DPP3: variants seen among roughly 807,000 people sequenced by gnomAD.
The protein encoded by DPP3 is dipeptidyl peptidase 3.
In DPP3, 64 loss-of-function variants were observed where a neutral mutation model predicts 89.8. The observed-to-expected ratio is 0.71, with a 90% confidence interval of 0.58 to 0.88. The LOEUF (loss-of-function observed/expected upper bound fraction) is 0.88, where lower values mean the gene tolerates loss of function less well. DPP3 is among the 40% of genes least tolerant of loss of function. The pLI, the probability that DPP3 is intolerant of heterozygous loss-of-function variation, is 0.00. For synonymous variants in DPP3, 377 were observed against 404.3 expected, an observed-to-expected ratio of 0.93 and a Z score of 0.81; for missense variants, 835 against 972.5, an observed-to-expected ratio of 0.86 and a Z score of 1.88.
chr11:66,504,465 G>A, intron 16 of DPP3, 147 bp from the exon 17 acceptor site: 1 of 847,668 alleles, frequency 1.2e-6, no homozygotes. Flanking sequence ...TTAACCATAA[G>A]TTTCAACACC....
Position 66,495,610 on chromosome 11 carries a change from C to T in DPP3, c.1578-20C>T. The stretch of plus-strand genomic sequence containing the variant: ...AGGGCAGCCTCTGACCATCCTGCCA[C>T]CTGCCTGCCCCTCTCACAGGATCTT... On this transcript the variant is annotated intron_variant, in intron 14 of 17. Transcript: ENST00000531863. The T allele has an allele frequency of 6.2e-7, 1 of 1,614,106 alleles. No individual in the cohort carries two copies. The highest frequency in any genetic ancestry group is 1.3e-5 in the African/African-American group (1 of 75,052).
In DPP3 at chr11:66,486,662, C is replaced by A; in HGVS notation, c.483C>A (p.Leu161=). Residue 161 remains leucine (L), a synonymous_variant, in exon 4 of 18, where the codon CTC becomes CTA. Coordinates refer to ENST00000531863, the MANE Select transcript of DPP3 (RefSeq NM_130443.4). ...CTCTGGAGCCAAGGCTTCGACACCTCGGACTGGGGAAGGAGGTGAGGCCCC... is the reference window on the plus strand; with the variant it reads ...CTCTGGAGCCAAGGCTTCGACACCTAGGACTGGGGAAGGAGGTGAGGCCCC... ...MFSLEPRLRH[L]GLGKEGITTY... The A allele has an allele frequency of 6.5e-7, 1 of 1,548,114 alleles. No homozygotes were observed. The highest frequency in any genetic ancestry group is 8.7e-7 in the Non-Finnish European group (1 of 1,146,544).
intron 16 of DPP3, among the ~76,000 whole-genome samples, chr11:66,498,552 A>C (rs1050513018): frequency 6.6e-6 from 1 of 152,216 alleles, no homozygotes; most frequent in African/African-American, 2.4e-5. Context: ...AGAACGAAGG[A>C]CATTTTTGGA....
In DPP3 at chr11:66,509,280, C is replaced by T. The variant is rs753698591; in HGVS notation, c.*29C>T. 6 of 1,583,536 alleles carry T rather than the reference C, an allele frequency of 3.8e-6. No individual in the cohort carries two copies. Among genetic ancestry groups the T allele is most frequent in the Middle Eastern group, 1.7e-4 (1 of 6,038 alleles). ...AGATGTGTGGCCTTGCCCCCAATTC[C>T]ATCAGACCAAGGCTGCAAGTGGCCC... On this transcript the variant is annotated 3_prime_UTR_variant, in exon 18 of 18. Transcript: ENST00000531863.
intron 15 of DPP3, among the ~76,000 whole-genome samples, chr11:66,496,039 C>T (rs560127179): frequency 5.3e-5 from 8 of 152,268 alleles, no homozygotes; most frequent in African/African-American, 1.7e-4. Flanking sequence ...TTCTAAACGC[C>T]CTCCATGAAT....
chr11:66,492,385 T>C (rs530266221), intron 9 of DPP3: 6 of 237,942 alleles, frequency 2.5e-5, no homozygotes, highest in African/African-American at 1.1e-4. Context: ...AGCCCCTGGA[T>C]TTAGAAGAGT....
chr11:66,497,810 G>C (rs533871904), intron 16 of DPP3, among the ~76,000 whole-genome samples: 2 of 151,688 alleles, frequency 1.3e-5, no homozygotes, highest in Non-Finnish European at 1.5e-5. Flanking sequence ...AGGATCACTT[G>C]AGCCTGAGGG....
intron 12 of DPP3, among the ~76,000 whole-genome samples, chr11:66,494,660 C>T (rs770750351): frequency 6.6e-6 from 1 of 152,188 alleles, no homozygotes; most frequent in Non-Finnish European, 1.5e-5. Context: ...TGCTCTGACT[C>T]CAGTGTGGGG....
rs532408636 is a variant in DPP3, at chr11:66,499,894, A to G, written c.1878+2417A>G. Among the ~76,000 whole-genome samples the G allele has an allele frequency of 1.2e-4, 18 of 152,216 alleles. No individual in the cohort carries two copies. In the East Asian group the frequency reaches 3.1e-3, roughly 26 times the overall value. On this transcript the variant is annotated intron_variant, in intron 16 of 17. Transcript: ENST00000531863. Reference sequence around the variant, plus strand: ...ATCTCTTCCTGTGCCTAATTTATAAATTAAACTTTCTCATAGGTGTGTATG... The same window carrying G: ...ATCTCTTCCTGTGCCTAATTTATAAGTTAAACTTTCTCATAGGTGTGTATG...
Position 66,509,423 on chromosome 11 carries a change from T to G in DPP3, c.*172T>G, listed in dbSNP as rs1482468781. On this transcript the variant is annotated 3_prime_UTR_variant, in exon 18 of 18. Coordinates refer to ENST00000531863, the MANE Select transcript of DPP3 (RefSeq NM_130443.4). Reference sequence around the variant, plus strand: ...TTCCATTTGTCAGCACTTTCCAGCCTGCCAATTGCTTCCCCTCTGTGATCT... The same window carrying G: ...TTCCATTTGTCAGCACTTTCCAGCCGGCCAATTGCTTCCCCTCTGTGATCT... 4 of 1,534,452 alleles carry G rather than the reference T, an allele frequency of 2.6e-6. No homozygotes were observed. The highest frequency in any genetic ancestry group is 3.5e-6 in the Non-Finnish European group (4 of 1,145,334).
chr11:66,509,521 G>A lies in DPP3; in HGVS notation c.*270G>A. ...CATCCTGTCTACCAGATGAGGAAATGGCAGTTCTGAGAAGTCACTGGTCTA... is the reference window on the plus strand; with the variant it reads ...CATCCTGTCTACCAGATGAGGAAATAGCAGTTCTGAGAAGTCACTGGTCTA... On this transcript the variant is annotated 3_prime_UTR_variant, in exon 18 of 18. Coordinates refer to ENST00000531863, the MANE Select transcript of DPP3 (RefSeq NM_130443.4). 1 of 1,143,100 alleles carries A rather than the reference G, an allele frequency of 8.7e-7. No individual in the cohort carries two copies. Among genetic ancestry groups the A allele is most frequent in the Non-Finnish European group, 1.3e-6 (1 of 789,190 alleles). The allele number at this position is 1,143,100 out of a possible 1,614,324, so 70.8% of individuals were successfully genotyped here. A position where few individuals can be genotyped will look rare whatever the true frequency, so the allele number is the denominator to read the frequency against.
chr11:66,485,337 G>A (rs1855197555), intron 3 of DPP3, 75 bp downstream of exon 3: 1 of 1,421,416 alleles, frequency 7.0e-7, no homozygotes, highest in African/African-American at 1.4e-5. Context: ...AGTAGAAGGA[G>A]CCCCAACTGG....
Position 66,486,440 on chromosome 11 carries a change from G to T in DPP3, c.361-100G>T, listed in dbSNP as rs1590732937. ...TCCATGGACCACACAATGAGCCAGA[G>T]CTCTTAGATCATAGGAGAAGAGCTT... On this transcript the variant is annotated intron_variant, in intron 3 of 17. Transcript: ENST00000531863. The T allele has an allele frequency of 2.2e-6, 3 of 1,357,868 alleles. No homozygotes were observed. In the East Asian group the frequency reaches 8.3e-5, roughly 37 times the overall value. 84.1% of individuals were successfully genotyped at this position (1,357,868 alleles called of 1,614,324 possible).
In DPP3 at chr11:66,509,332, G is replaced by T; in HGVS notation, c.*81G>T. On this transcript the variant is annotated 3_prime_UTR_variant, in exon 18 of 18. Coordinates refer to ENST00000531863, the MANE Select transcript of DPP3 (RefSeq NM_130443.4). The stretch of plus-strand genomic sequence containing the variant: ...CCATTCGTGTGTGTATTTAGGGGCT[G>T]GGGAGGGGGAGGGGCAGGAGCTTGG... 1 of 1,549,054 alleles carries T rather than the reference G, an allele frequency of 6.5e-7. No individual in the cohort carries two copies.
At chr11:66,494,996 C>A (rs1040144214) in intron 12 of DPP3, among the ~76,000 whole-genome samples, 1 of 152,168 alleles carries the variant, frequency 6.6e-6, no homozygotes, top group Non-Finnish European at 1.5e-5. Context: ...AGCTCAGGTT[C>A]TCAGGCTCCC....
At position 66,486,670 on chromosome 11, in the gene DPP3, G is replaced by A; in HGVS notation, c.491G>A (p.Gly164Glu). ...LEPRLRHLGL[G>E]KEGITTYFSG... ...CCAAGGCTTCGACACCTCGGACTGG[G>A]GAAGGAGGTGAGGCCCCTGACTCCC... The change falls in exon 4 of 18, where the codon GGG becomes GAG. Residue 164 changes from glycine (G) to glutamate (E), a missense_variant. Physicochemically the swap from Gly to Glu is moderately conservative, Grantham distance 98. Transcript: ENST00000531863. The A allele has an allele frequency of 6.5e-7, 1 of 1,531,710 alleles. No homozygotes were observed. Among genetic ancestry groups the A allele is most frequent in the Admixed American group, 2.1e-5 (1 of 48,198 alleles). 94.9% of individuals were successfully genotyped at this position (1,531,710 alleles called of 1,614,324 possible).
At chr11:66,508,937 C>A in intron 17 of DPP3, 142 bp from the exon 18 acceptor site, 1 of 1,058,720 alleles carries the variant, frequency 9.4e-7, no homozygotes, top group Non-Finnish European at 1.4e-6. Flanking sequence ...AGTAATTAAC[C>A]TAAAACGTAG....
intron 13 of DPP3, 26 bp downstream of exon 13, chr11:66,495,294 A>C: frequency 6.2e-7 from 1 of 1,613,762 alleles, no homozygotes; most frequent in Non-Finnish European, 8.5e-7. Context: ...GCAGAGCCCC[A>C]GGGTACTGGG....
intron 3 of DPP3, among the ~76,000 whole-genome samples, chr11:66,485,710 C>T (rs192736591): frequency 4.0e-4 from 61 of 152,252 alleles, no homozygotes; most frequent in African/African-American, 1.5e-3. Flanking sequence ...TGCTGACATG[C>T]AGCATCTGAT....
Sources: gnomAD v4.1 joint callset for allele counts (sites outside exome capture counted in the v4.1 genomes callset) on GRCh38, gnomAD v4.1.1 for gene constraint, MANE v1.5 for transcripts, NCBI Gene and HGNC (gene_info 2026-07-23, HGNC 2026-07-21) for gene names.